Variants in HEATR5A observed in about 807,000 individuals in gnomAD.
The protein encoded by HEATR5A is HEAT repeat containing 5A.
HEATR5A carries 178 observed loss-of-function variants against 218.8 expected under a neutral mutation model. The ratio of observed to expected loss-of-function variants is 0.81; its 90% CI spans 0.72 to 0.92. The LOEUF is 0.92. Ranked by LOEUF, HEATR5A falls within the 40% of genes least tolerant of loss-of-function variation. The probability of loss-of-function intolerance (pLI) is 0.00; values close to 1 mark genes in which losing one functional copy is unlikely to be tolerated. For synonymous variants in HEATR5A, 864 were observed against 871.6 expected (o/e 0.99, Z 0.15); for missense variants, 2,420 against 2,418.9 (o/e 1.00, Z -0.01).
chr14:31,308,101 TAA>T, intron 29 of HEATR5A, 81 bp from the exon 30 acceptor site: 1 of 1,297,992 alleles, frequency 7.7e-7, no homozygotes, highest in East Asian at 2.5e-5. Flanking sequence ...TATATTTTGG[TAA>T]GATATATAAA....
intron 19 of HEATR5A, among the ~76,000 whole-genome samples, chr14:31,346,114 G>A (rs569573273): frequency 2.6e-4 from 39 of 152,128 alleles, no homozygotes; most frequent in Non-Finnish European, 5.3e-4. Context: ...TCTTATCAAT[G>A]GATGTATAAG....
chr14:31,409,454 C>G (rs1392169646), intron 1 of HEATR5A, among the ~76,000 whole-genome samples: 1 of 152,082 alleles, frequency 6.6e-6, no homozygotes, highest in Non-Finnish European at 1.5e-5. Flanking sequence ...AATCCCAGCA[C>G]TTTGGGAAGC....
At chr14:31,414,010 T>C (rs1211749881) in intron 1 of HEATR5A, among the ~76,000 whole-genome samples, 1 of 152,224 alleles carries the variant, frequency 6.6e-6, no homozygotes, top group African/African-American at 2.4e-5. Flanking sequence ...GACATCAGCT[T>C]TCAGAGAGCC....
At chr14:31,394,306 A>G (rs969509232) in intron 5 of HEATR5A, 80 bp from the exon 6 acceptor site, 2 of 736,436 alleles carry the variant, frequency 2.7e-6, no homozygotes, top group African/African-American at 3.6e-5. Flanking sequence ...TGCAGAAACT[A>G]TCAGCGTCTA....
intron 4 of HEATR5A, among the ~76,000 whole-genome samples, chr14:31,397,194 AT>A (rs1399275626): frequency 6.6e-6 from 1 of 152,006 alleles, no homozygotes; most frequent in Non-Finnish European, 1.5e-5. Flanking sequence ...TTTTATTGGA[AT>A]TTTCCCATGT....
intron 26 of HEATR5A, among the ~76,000 whole-genome samples, chr14:31,318,022 T>C (rs1209711532): frequency 1.3e-5 from 2 of 152,202 alleles, no homozygotes; most frequent in African/African-American, 2.4e-5. Context: ...TCCGTCAATA[T>C]GGAACTGGTT....
chr14:31,343,818 A>G (rs1268809542), intron 21 of HEATR5A, 78 bp downstream of exon 21: 3 of 1,181,534 alleles, frequency 2.5e-6, no homozygotes, highest in Non-Finnish European at 3.5e-6. Context: ...AGTCTAGAGT[A>G]TAATTAAAAT....
At chr14:31,390,662 C>T (rs921559126) in intron 6 of HEATR5A, among the ~76,000 whole-genome samples, 1 of 152,126 alleles carries the variant, frequency 6.6e-6, no homozygotes, top group Admixed American at 6.6e-5. Context: ...TTCCTATTGC[C>T]TTGTGACATT....
At position 31,395,236 on chromosome 14, in the gene HEATR5A, G is replaced by C. The variant is rs2030609373; in HGVS notation, c.560C>G (p.Thr187Arg). Residue 187 changes from threonine to arginine, a missense_variant, in exon 5 of 36, where the codon ACA becomes AGA. Physicochemically the swap from Thr to Arg is moderately conservative, Grantham distance 71. Transcript: ENST00000543095. Reference protein sequence around the residue: ...DVYKAARSCLTDRSMAVRCAA... With the variant: ...DVYKAARSCLRDRSMAVRCAA... ...ACAACGAACAGCCATGGATCTATCT[G>C]TCAAGCAGGATCTAGCAGCTTTATA... 8 of 1,533,822 alleles carry C rather than the reference G, an allele frequency of 5.2e-6. No homozygotes were observed. The highest frequency in any genetic ancestry group is 7.0e-6 in the Non-Finnish European group (8 of 1,145,092).
chr14:31,354,791 C>T (rs1216005325), intron 16 of HEATR5A, among the ~76,000 whole-genome samples: 2 of 152,008 alleles, frequency 1.3e-5, no homozygotes, highest in Non-Finnish European at 2.9e-5. Flanking sequence ...AAACAGTAAC[C>T]ACAAACAAAA....
At chr14:31,360,509 T>C (rs1469064403) in intron 14 of HEATR5A, among the ~76,000 whole-genome samples, 2 of 152,162 alleles carry the variant, frequency 1.3e-5, no homozygotes, top group Non-Finnish European at 2.9e-5. Context: ...GAAAAGCTGA[T>C]CCATTTATCA....
chr14:31,370,961 A>G (rs1902014241), intron 13 of HEATR5A, among the ~76,000 whole-genome samples: 1 of 152,238 alleles, frequency 6.6e-6, no homozygotes. Flanking sequence ...TTCTAAAGGA[A>G]GGCACAAAGA....
rs750742079 is a variant in HEATR5A, at chr14:31,387,197, C to G, written c.1112G>C (p.Gly371Ala). 4.3e-6 allele frequency: 7 copies of G among 1,613,956 alleles called. 1 individual carries two copies. The South Asian group carries it at 7.7e-5, about 18-fold the overall frequency. The part of the protein sequence containing the change: ...VSFILRTTIG[G>A]LLGEKAQLAA... ...AAGCTGAGCCTTTTCTCCAAGAAGACCACCTATAGTAGTTCGAAGAATAAA... is the reference window on the plus strand; with the variant it reads ...AAGCTGAGCCTTTTCTCCAAGAAGAGCACCTATAGTAGTTCGAAGAATAAA... Residue 371 changes from glycine (G) to alanine (A), a missense_variant, in exon 8 of 36, where the codon GGT becomes GCT. Transcript: ENST00000543095.
At chr14:31,303,303 C>T (rs367974072) in intron 32 of HEATR5A, among the ~76,000 whole-genome samples, 5 of 151,000 alleles carry the variant, frequency 3.3e-5, no homozygotes, top group East Asian at 3.9e-4. Flanking sequence ...TGTGGTGGCA[C>T]GCGCCTGTAG....
intron 14 of HEATR5A, among the ~76,000 whole-genome samples, chr14:31,363,505 T>G (rs1199821373): frequency 3.9e-5 from 6 of 152,182 alleles, no homozygotes; most frequent in Non-Finnish European, 4.4e-5. Context: ...GGCAAACTTA[T>G]GTTTCAATCC....
intron 6 of HEATR5A, among the ~76,000 whole-genome samples, chr14:31,393,204 A>T (rs989122204): frequency 6.6e-6 from 1 of 152,208 alleles, no homozygotes; most frequent in African/African-American, 2.4e-5. Flanking sequence ...TACTTTAAAA[A>T]AAATATATAA....
At position 31,302,116 on chromosome 14, in the gene HEATR5A, G is replaced by A. The variant is rs963892170; in HGVS notation, c.5464+179C>T. ...CAAAGTGCTGGGCTTACAGGTGTGAGCCACTGCACCCGGCCAATTTTCTAT... is the reference window on the plus strand; with the variant it reads ...CAAAGTGCTGGGCTTACAGGTGTGAACCACTGCACCCGGCCAATTTTCTAT... On this transcript the variant is annotated intron_variant, in intron 33 of 35. Coordinates refer to ENST00000543095, the MANE Select transcript of HEATR5A (RefSeq NM_015473.4). 2.8e-5 allele frequency: 16 copies of A among 565,618 alleles called. No individual in the cohort carries two copies. In the African/African-American group the frequency reaches 3.0e-4, roughly 11 times the overall value. 35.0% of individuals were successfully genotyped at this position (565,618 alleles called of 1,614,324 possible).
rs754406738 is a variant in HEATR5A, at chr14:31,350,680, G to C, written c.2449C>G (p.His817Asp). 12 of 1,599,152 alleles carry C rather than the reference G, an allele frequency of 7.5e-6. No individual in the cohort carries two copies. In the East Asian group the frequency reaches 2.7e-4, roughly 36 times the overall value. The change falls in exon 17 of 36, where the codon CAC becomes GAC. Residue 817 changes from histidine (H) to aspartate (D), a missense_variant. By Grantham distance (81) the His-to-Asp change is moderately conservative (BLOSUM62 -1). Transcript: ENST00000543095. ...ACTTGCTGACGAGCTCCTTTTGTGTGCTTTATACTGTCCAAAAGCTGTTCC... is the reference window on the plus strand; with the variant it reads ...ACTTGCTGACGAGCTCCTTTTGTGTCCTTTATACTGTCCAAAAGCTGTTCC... ...ILEQLLDSIK[H>D]TKGARQQVVQ...
chr14:31,334,006 C>G (rs1900564470), intron 22 of HEATR5A, among the ~76,000 whole-genome samples: 1 of 133,660 alleles, frequency 7.5e-6, no homozygotes, highest in Non-Finnish European at 1.5e-5. Flanking sequence ...CCACTGCACT[C>G]CAGCCAGGGC....
Sources: allele counts gnomAD v4.1 joint callset (sites outside exome capture counted in the v4.1 genomes callset), GRCh38; gene constraint gnomAD v4.1.1; transcripts MANE v1.5; gene names NCBI Gene and HGNC (gene_info 2026-07-23, HGNC 2026-07-21).